Variants in XIRP2 observed in about 807,000 individuals in gnomAD.
The protein encoded by XIRP2 is xin actin-binding repeat-containing protein 2.
Under a neutral mutation model 277.0 loss-of-function variants are expected in XIRP2, and 236 were observed. That is an observed-to-expected ratio of 0.85 (90% confidence interval 0.77 to 0.95). The LOEUF (loss-of-function observed/expected upper bound fraction) is 0.95, where lower values mean the gene tolerates loss of function less well. XIRP2 is among the 40% of genes least tolerant of loss of function. XIRP2 has a pLI of 0.00. For missense variants in XIRP2, 4,640 were observed against 4,157.5 expected (o/e 1.12, Z -3.19); for synonymous variants, 1,490 against 1,416.5 (o/e 1.05, Z -1.17).
At chr2:167,083,470 A>T (rs1380855710) in intron 2 of XIRP2, among the ~76,000 whole-genome samples, 1 of 152,144 alleles carries the variant, frequency 6.6e-6, no homozygotes, top group Non-Finnish European at 1.5e-5. Context: ...GTTTTTTCCA[A>T]TTCTGTGAAG....
intron 2 of XIRP2, among the ~76,000 whole-genome samples, chr2:166,930,951 A>G (rs1049349412): frequency 6.6e-6 from 1 of 152,162 alleles, no homozygotes; most frequent in African/African-American, 2.4e-5. Flanking sequence ...TACAAATATG[A>G]TTGCTAATTC....
chr2:167,035,036 T>C (rs991708586), intron 2 of XIRP2, among the ~76,000 whole-genome samples: 1 of 152,184 alleles, frequency 6.6e-6, no homozygotes, highest in South Asian at 2.1e-4. Context: ...GCCACCACCA[T>C]GCAAGAAGTG....
chr2:167,029,609 A>C (rs937018441), intron 2 of XIRP2, among the ~76,000 whole-genome samples: 1 of 152,100 alleles, frequency 6.6e-6, no homozygotes, highest in African/African-American at 2.4e-5. Flanking sequence ...TCAGTTTGCC[A>C]GTATTTTATT....
chr2:167,184,475 T>G (rs569797567), intron 3 of XIRP2: 2 of 676,092 alleles, frequency 3.0e-6, no homozygotes, highest in South Asian at 3.3e-5. Context: ...ATCCCTCGCT[T>G]CTTCAGTTTT....
chr2:167,015,513 T>C (rs975594607), intron 2 of XIRP2, among the ~76,000 whole-genome samples: 3 of 151,764 alleles, frequency 2.0e-5, no homozygotes, highest in Non-Finnish European at 4.4e-5. Context: ...TTCATGCCTA[T>C]TTTACAGATG....
chr2:167,138,133 T>G (rs1691609060), intron 3 of XIRP2, among the ~76,000 whole-genome samples: 5 of 152,150 alleles, frequency 3.3e-5, no homozygotes, highest in Admixed American at 3.3e-4. Context: ...ATTATATGAG[T>G]GACTGTGACA....
chr2:167,139,917 T>C (rs1363019838), intron 3 of XIRP2, among the ~76,000 whole-genome samples: 1 of 152,202 alleles, frequency 6.6e-6, no homozygotes, highest in Non-Finnish European at 1.5e-5. Flanking sequence ...GTCATGATAT[T>C]GGAAGCTGAC....
At chr2:166,893,362 T>A (rs569762249) in intron 1 of XIRP2, among the ~76,000 whole-genome samples, 1 of 152,098 alleles carries the variant, frequency 6.6e-6, no homozygotes, top group African/African-American at 2.4e-5. Flanking sequence ...CCAAAAAAAT[T>A]ATTTGCATTT....
At chr2:166,978,098 T>C (rs998422313) in intron 2 of XIRP2, among the ~76,000 whole-genome samples, 3 of 152,190 alleles carry the variant, frequency 2.0e-5, no homozygotes, top group Non-Finnish European at 4.4e-5. Context: ...TCTATACAGA[T>C]TTTCTGTTTT....
rs193195027 is a variant in XIRP2, at chr2:167,047,113, C to T, written c.409-88796C>T. ...TTAGAGTTTTAGGTCAATGGTCTTA[C>T]GGGAAAAGGGAAGTAAATCGAAGTG... On this transcript the variant is annotated intron_variant, in intron 2 of 10. Transcript: ENST00000409195. 7.3e-4 allele frequency among the ~76,000 whole-genome samples: 110 copies of T among 150,960 alleles called. No homozygotes were observed. The Middle Eastern group carries it at 0.01, about 14-fold the overall frequency.
At chr2:166,939,226 G>A (rs1685619403) in intron 2 of XIRP2, among the ~76,000 whole-genome samples, 1 of 152,260 alleles carries the variant, frequency 6.6e-6, no homozygotes, top group African/African-American at 2.4e-5. Flanking sequence ...GCAGTGGCTG[G>A]TACTGGTTGT....
intron 2 of XIRP2, among the ~76,000 whole-genome samples, chr2:167,054,714 G>A (rs1359022035): frequency 1.3e-5 from 2 of 151,730 alleles, no homozygotes; most frequent in Admixed American, 6.6e-5. Flanking sequence ...AGGAAACAGG[G>A]CCAGTTTCTA....
intron 2 of XIRP2, among the ~76,000 whole-genome samples, chr2:167,065,995 G>A (rs1476218960): frequency 2.6e-5 from 4 of 151,824 alleles, no homozygotes; most frequent in Non-Finnish European, 5.9e-5. Flanking sequence ...TGATGAGTTT[G>A]GAAACCATGA....
chr2:167,080,712 G>A (rs1401743168), intron 2 of XIRP2, among the ~76,000 whole-genome samples: 1 of 152,158 alleles, frequency 6.6e-6, no homozygotes, highest in Non-Finnish European at 1.5e-5. Flanking sequence ...ATGCTTTGGA[G>A]TACTAGAATA....
intron 3 of XIRP2, among the ~76,000 whole-genome samples, chr2:167,158,205 G>C (rs1045949645): frequency 6.6e-6 from 1 of 152,034 alleles, no homozygotes; most frequent in Admixed American, 6.6e-5. Context: ...CAAAGTTTTA[G>C]TTTCTGAGAC....
At chr2:167,160,174 A>T (rs182033683) in intron 3 of XIRP2, among the ~76,000 whole-genome samples, 4,671 of 152,276 alleles carry the variant, frequency 0.031, 85 homozygotes, top group Non-Finnish European at 0.046. Context: ...ATAAAAAAAA[A>T]TTTTAATGAG....
chr2:167,215,852 C>A (rs1481815860), intron 4 of XIRP2, among the ~76,000 whole-genome samples: 2 of 152,200 alleles, frequency 1.3e-5, no homozygotes, highest in Non-Finnish European at 2.9e-5. Context: ...ACCTGAGCTA[C>A]TTCTGCACTT....
At position 167,259,156 on chromosome 2, in the gene XIRP2, C is replaced by A. The variant is rs374713962; in HGVS notation, c.*1339C>A. ...TAGATCAAATTAAAAATATGCCATG[C>A]TTGGATTTAAGGGAATTTGGAAAGG... On this transcript the variant is annotated 3_prime_UTR_variant, in exon 11 of 11. Transcript: ENST00000409195. 4.3e-6 allele frequency: 7 copies of A among 1,612,772 alleles called. No homozygotes were observed. The highest frequency in any genetic ancestry group is 5.1e-6 in the Non-Finnish European group (6 of 1,179,486).
intron 3 of XIRP2, among the ~76,000 whole-genome samples, chr2:167,154,183 G>A (rs1490539275): frequency 1.3e-5 from 2 of 149,300 alleles, no homozygotes; most frequent in African/African-American, 5.0e-5. Flanking sequence ...TTTTTCATGT[G>A]TTTTTTGGCT....
Sources: gnomAD v4.1 joint callset for allele counts (sites outside exome capture counted in the v4.1 genomes callset) on GRCh38, gnomAD v4.1.1 for gene constraint, MANE v1.5 for transcripts, NCBI Gene and HGNC (gene_info 2026-07-23, HGNC 2026-07-21) for gene names.